Variants in FUT8 observed in about 807,000 individuals in gnomAD.
FUT8 encodes alpha-(1,6)-fucosyltransferase.
FUT8 carries 29 observed loss-of-function variants against 71.3 expected under a neutral mutation model. That is an observed-to-expected ratio of 0.41 (90% CI 0.30 to 0.55). The LOEUF is 0.55. Among genes scored for constraint, FUT8 ranks in the 20% least tolerant of loss-of-function variants. The probability of loss-of-function intolerance (pLI) is 0.34; values close to 1 mark genes in which losing one functional copy is unlikely to be tolerated. For synonymous variants in FUT8, 254 were observed against 239.3 expected (o/e 1.06, Z -0.57); for missense variants, 544 against 702.1 (o/e 0.77, Z 2.55).
At chr14:65,422,958 T>G (rs971996834) in intron 1 of FUT8, among the ~76,000 whole-genome samples, 1 of 150,618 alleles carries the variant, frequency 6.6e-6, no homozygotes, top group African/African-American at 2.4e-5. Flanking sequence ...GCACCTGGCC[T>G]CCTCAGTGAT....
intron 7 of FUT8, among the ~76,000 whole-genome samples, chr14:65,693,687 G>C (rs1175367985): frequency 6.6e-6 from 1 of 152,186 alleles, no homozygotes; most frequent in Non-Finnish European, 1.5e-5. Flanking sequence ...TTTGGTATTA[G>C]TGTAATATTA....
At chr14:65,706,289 ACT>A (rs1894548053) in intron 7 of FUT8, among the ~76,000 whole-genome samples, 1 of 152,086 alleles carries the variant, frequency 6.6e-6, no homozygotes, top group South Asian at 2.1e-4. Context: ...CAAAGCCCAT[ACT>A]CTCAGCCACT....
At chr14:65,392,748 G>A in the FUT8 span, among the ~76,000 whole-genome samples, 2 of 152,142 alleles carry the variant, frequency 1.3e-5, no homozygotes, top group Non-Finnish European at 2.9e-5. Context: ...GGTGGATTAC[G>A]CATTGGCTGG....
chr14:65,628,983 C>T (rs1281380203), intron 5 of FUT8, among the ~76,000 whole-genome samples: 1 of 152,098 alleles, frequency 6.6e-6, no homozygotes, highest in Non-Finnish European at 1.5e-5. Context: ...CTGTCTGGCC[C>T]GTTAATGAAA....
At chr14:65,515,648 G>A (rs1298060572) in intron 2 of FUT8, among the ~76,000 whole-genome samples, 1 of 152,052 alleles carries the variant, frequency 6.6e-6, no homozygotes, top group African/African-American at 2.4e-5. Flanking sequence ...TGTTAAATGA[G>A]TTATGAATTA....
chr14:65,738,779 C>T (rs1323639501), intron 10 of FUT8, among the ~76,000 whole-genome samples: 3 of 152,078 alleles, frequency 2.0e-5, no homozygotes, highest in East Asian at 3.9e-4. Flanking sequence ...AGTAAATTGT[C>T]CCATGGTTGA....
At chr14:65,728,770 A>G (rs1385005173) in intron 9 of FUT8, among the ~76,000 whole-genome samples, 3 of 152,196 alleles carry the variant, frequency 2.0e-5, no homozygotes, top group Admixed American at 1.3e-4. Context: ...CCTGGGAGCA[A>G]TAAGCTATTC....
In FUT8 at chr14:65,616,992, T is replaced by C. The variant is rs952898159; in HGVS notation, c.482+619T>C. On this transcript the variant is annotated intron_variant, in intron 5 of 10. Coordinates refer to ENST00000673929, the MANE Select transcript of FUT8 (RefSeq NM_001371533.1). ...CAGAAAAGAAAACATTTTGGTGCTGTTGTATTCATGCAGAACAAAATGTAT... is the reference window on the plus strand; with the variant it reads ...CAGAAAAGAAAACATTTTGGTGCTGCTGTATTCATGCAGAACAAAATGTAT... 14 of 1,331,676 alleles carry C rather than the reference T, an allele frequency of 1.1e-5. No homozygotes were observed. The African/African-American group carries it at 1.8e-4, about 17-fold the overall frequency. 82.5% of individuals were successfully genotyped at this position (1,331,676 alleles called of 1,614,324 possible). A position where few individuals can be genotyped will look rare whatever the true frequency, so the allele number is the denominator to read the frequency against.
chr14:65,726,521 A>G (rs536798439), intron 9 of FUT8, among the ~76,000 whole-genome samples: 1 of 152,202 alleles, frequency 6.6e-6, no homozygotes, highest in Non-Finnish European at 1.5e-5. Flanking sequence ...TTTTCAAACC[A>G]TTAGATCTTG....
chr14:65,415,619 TTA>T (rs1164540563), intron 1 of FUT8, among the ~76,000 whole-genome samples: 5 of 152,124 alleles, frequency 3.3e-5, no homozygotes, highest in Non-Finnish European at 5.9e-5. Flanking sequence ...AAGTAGAATC[TTA>T]TATGGGCGAA....
intron 1 of FUT8, among the ~76,000 whole-genome samples, chr14:65,445,281 T>A (rs2065721909): frequency 6.6e-6 from 1 of 152,190 alleles, no homozygotes; most frequent in African/African-American, 2.4e-5. Context: ...ATTTGTCTCA[T>A]TTTGTCCTCC....
chr14:65,421,855 A>G (rs1174381046), intron 1 of FUT8, among the ~76,000 whole-genome samples: 1 of 150,882 alleles, frequency 6.6e-6, no homozygotes, highest in Admixed American at 6.7e-5. Flanking sequence ...CTTCTCCAGC[A>G]GGAATTTATT....
upstream of FUT8, chr14:65,411,897 G>A (rs555600599): frequency 1.1e-4 from 42 of 376,756 alleles, no homozygotes; most frequent in Admixed American, 5.1e-4. Context: ...GCGCGCTCCG[G>A]TCCTCCCGCT....
intron 6 of FUT8, among the ~76,000 whole-genome samples, chr14:65,649,084 A>G (rs939567766): frequency 2.6e-5 from 4 of 152,196 alleles, no homozygotes; most frequent in Admixed American, 6.5e-5. Context: ...TTTCATTGGT[A>G]TAAACATTGT....
At chr14:65,639,358 T>C (rs1166661903) in intron 6 of FUT8, among the ~76,000 whole-genome samples, 1 of 152,182 alleles carries the variant, frequency 6.6e-6, no homozygotes, top group Non-Finnish European at 1.5e-5. Flanking sequence ...GAATAGTTCA[T>C]TGGTGCATTC....
At chr14:65,705,400 A>G (rs1245987439) in intron 7 of FUT8, among the ~76,000 whole-genome samples, 2 of 152,190 alleles carry the variant, frequency 1.3e-5, no homozygotes, top group Non-Finnish European at 2.9e-5. Flanking sequence ...TAGACCTTAC[A>G]CATTTCTGTG....
chr14:65,622,191 G>A (rs1007466451), intron 5 of FUT8, among the ~76,000 whole-genome samples: 3 of 152,216 alleles, frequency 2.0e-5, no homozygotes, highest in African/African-American at 7.2e-5. Context: ...CACAGGCTAA[G>A]TTAACAGAAC....
chr14:65,506,229 T>G (rs2066732161), intron 2 of FUT8, among the ~76,000 whole-genome samples: 1 of 152,208 alleles, frequency 6.6e-6, no homozygotes, highest in Admixed American at 6.5e-5. Context: ...TGGTATACTT[T>G]TGGTTAAGTA....
At chr14:65,387,401 G>A in the FUT8 span, among the ~76,000 whole-genome samples, 1 of 152,128 alleles carries the variant, frequency 6.6e-6, no homozygotes. Flanking sequence ...GCTCCATTCA[G>A]GTGTCTCTTT....
Sources: gnomAD v4.1 joint callset for allele counts (sites outside exome capture counted in the v4.1 genomes callset) on GRCh38, gnomAD v4.1.1 for gene constraint, MANE v1.5 for transcripts, NCBI Gene and HGNC (gene_info 2026-07-23, HGNC 2026-07-21) for gene names.